CACNA1G: variants seen among roughly 807,000 people sequenced by gnomAD.
The protein encoded by CACNA1G is calcium voltage-gated channel subunit alpha1 G, also known as voltage-dependent T-type calcium channel subunit alpha-1G.
In CACNA1G, 67 loss-of-function variants were observed where a neutral mutation model predicts 219.4. The observed-to-expected ratio is 0.31, with a 90% CI of 0.25 to 0.37. The LOEUF (loss-of-function observed/expected upper bound fraction) is 0.37. Among genes scored for constraint, CACNA1G ranks in the 10% least tolerant of loss-of-function variants. CACNA1G has a pLI of 1.00. For synonymous variants in CACNA1G, 1,296 were observed against 1,345.3 expected (o/e 0.96, Z 0.80); for missense variants, 2,380 against 3,231.4 (o/e 0.74, Z 6.39).
Position 50,626,823 on chromosome 17 carries a change from T to C in CACNA1G, c.*72T>C. 3.7e-6 allele frequency: 6 copies of C among 1,602,060 alleles called. No homozygotes were observed. Among genetic ancestry groups the C allele is most frequent in the Non-Finnish European group, 5.1e-6 (6 of 1,170,440 alleles). ...CCTAGCTCCTCCTCCTGGGCTATAT[T>C]CCTGACAAAAGTTCCATATAGACAC... On this transcript the variant is annotated 3_prime_UTR_variant, in exon 38 of 38. Transcript: ENST00000359106. This position sits in a 1 kb window ranked among gnomAD's most constrained non-coding sequence, Gnocchi z 4.3.
chr17:50,590,731 G>A, intron 10 of CACNA1G, 109 bp downstream of exon 10: 4 of 994,226 alleles, frequency 4.0e-6, no homozygotes, highest in East Asian at 2.7e-5. Flanking sequence ...TCTGGAGTCA[G>A]GCCCCACTGA....
rs145202941 is a variant in CACNA1G at position 50,598,850 on chromosome 17, C to T, written c.3259-578C>T. Reference sequence around the variant, plus strand: ...CAAGTGATTGTCCTGCCTCAGCCTCCTGAGTAGCTGGGATTACAGGCGTGA... The same window carrying T: ...CAAGTGATTGTCCTGCCTCAGCCTCTTGAGTAGCTGGGATTACAGGCGTGA... On this transcript the variant is annotated intron_variant, in intron 16 of 37. Transcript: ENST00000359106. Among the ~76,000 whole-genome samples the T allele has an allele frequency of 1.6e-4, 24 of 152,346 alleles. 1 individual carries two copies. In the East Asian group the frequency reaches 4.6e-3, roughly 29 times the overall value.
Position 50,604,170 on chromosome 17 carries a change from G to A in CACNA1G, c.4185G>A (p.Ala1395=), listed in dbSNP as rs759239505. 5.0e-6 allele frequency: 8 copies of A among 1,613,176 alleles called. No individual in the cohort carries two copies. Among genetic ancestry groups the A allele is most frequent in the South Asian group, 2.2e-5 (2 of 90,990 alleles). Reference sequence around the variant, plus strand: ...CCCTCCCCAGGGTGATCAGCCGGGCGCAGGGGCTGAAGCTGGTGGTGGAGA... The same window carrying A: ...CCCTCCCCAGGGTGATCAGCCGGGCACAGGGGCTGAAGCTGGTGGTGGAGA... The part of the protein sequence containing the change: ...TLRPLRVISR[A]QGLKLVVETL... The change falls in exon 22 of 38, where the codon GCG becomes GCA. Residue 1395 remains alanine, a synonymous_variant. Transcript: ENST00000359106.
intron 9 of CACNA1G, among the ~76,000 whole-genome samples, chr17:50,588,936 T>C (rs929374511): frequency 6.6e-6 from 1 of 152,176 alleles, no homozygotes; most frequent in East Asian, 1.9e-4. Flanking sequence ...TAGGATACAT[T>C]TGGGTGTCCT....
chr17:50,569,301 GA>G lies in CACNA1G; in HGVS notation c.488+4del. 1 of 1,613,472 alleles carries G rather than the reference GA, an allele frequency of 6.2e-7. No individual in the cohort carries two copies. Among genetic ancestry groups the G allele is most frequent in the Non-Finnish European group, 8.5e-7 (1 of 1,179,832 alleles). On this transcript the variant is annotated splice_donor_region_variant and intron_variant, in intron 3 of 37. Coordinates refer to ENST00000359106, the MANE Select transcript of CACNA1G (RefSeq NM_018896.5). ...GACTTTTTCATCGTCATCGCAGGGT[GA>G]GGACCTGGGCTGGGGTGGGAGAGCA...
At chr17:50,612,400 G>A (rs1329445380) in intron 26 of CACNA1G, among the ~76,000 whole-genome samples, 3 of 152,232 alleles carry the variant, frequency 2.0e-5, no homozygotes, top group Non-Finnish European at 4.4e-5. Flanking sequence ...ATGGAGGGAG[G>A]GACCGGGGCT....
At chr17:50,566,313 C>CCT (rs1555633391) in intron 1 of CACNA1G, among the ~76,000 whole-genome samples, 5 of 152,172 alleles carry the variant, frequency 3.3e-5, no homozygotes, top group Middle Eastern at 3.4e-3. Context: ...AAGACCCCCC[C>CCT]CCCATCAATT....
chr17:50,583,082 G>A (rs1359930847), intron 9 of CACNA1G, among the ~76,000 whole-genome samples: 2 of 152,086 alleles, frequency 1.3e-5, no homozygotes, highest in African/African-American at 4.8e-5. Context: ...TGAAGGCTGG[G>A]GACCCTCTCC....
At chr17:50,594,971 C>G (rs754563137) in intron 13 of CACNA1G, 22 bp from the exon 14 acceptor site, 12 of 1,549,742 alleles carry the variant, frequency 7.7e-6, no homozygotes, top group Admixed American at 2.0e-5. Context: ...CAGCCCTCCC[C>G]TGCCTCCCCC....
intron 13 of CACNA1G, among the ~76,000 whole-genome samples, chr17:50,594,103 T>C (rs1273791880): frequency 6.6e-6 from 1 of 152,192 alleles, no homozygotes; most frequent in Non-Finnish European, 1.5e-5. Flanking sequence ...AGCAGGAGGC[T>C]TCAAGGGTAG....
intron 9 of CACNA1G, among the ~76,000 whole-genome samples, chr17:50,579,394 TG>T: frequency 6.6e-6 from 1 of 152,210 alleles, no homozygotes; most frequent in South Asian, 2.1e-4. Context: ...AAGGGTAGCC[TG>T]GGGGACCCCA....
rs1247651792 is a variant in CACNA1G, at chr17:50,600,786, C to T, written c.3751C>T (p.Arg1251Ter). Reference sequence around the variant, plus strand: ...CCGACTCCCTGCCTGCTGCCTCGAGCGAGACTCCTGGTCAGCCTACATCTT... The same window carrying T: ...CCGACTCCCTGCCTGCTGCCTCGAGTGAGACTCCTGGTCAGCCTACATCTT... ...RARLPACCLE[R>*]DSWSAYIFPP... Residue 1251 changes from arginine (R) to a stop codon, truncating the protein, a stop_gained, in exon 18 of 38, where the codon CGA becomes TGA. Transcript: ENST00000359106. LOFTEE classifies it high-confidence loss of function. The surrounding 1 kb of genome is among the most constrained non-coding windows in gnomAD (Gnocchi z 4.1). 6.2e-7 allele frequency: 1 copy of T among 1,613,838 alleles called. No individual in the cohort carries two copies. The highest frequency in any genetic ancestry group is 8.5e-7 in the Non-Finnish European group (1 of 1,179,832).
intron 9 of CACNA1G, among the ~76,000 whole-genome samples, chr17:50,579,028 G>C (rs1277572156): frequency 6.6e-6 from 1 of 152,084 alleles, no homozygotes; most frequent in Admixed American, 6.5e-5. Context: ...GGGGAGGGTT[G>C]GTGCCTGCGC....
chr17:50,625,779 G>A (rs1161283830), intron 37 of CACNA1G, among the ~76,000 whole-genome samples: 1 of 152,162 alleles, frequency 6.6e-6, no homozygotes, highest in African/African-American at 2.4e-5. Flanking sequence ...GCTTAGGGGA[G>A]ACCAGAGCAT....
At chr17:50,607,260 T>C (rs1002849201) in intron 24 of CACNA1G, 6 of 460,438 alleles carry the variant, frequency 1.3e-5, no homozygotes, top group African/African-American at 1.2e-4. Flanking sequence ...TGCCAGTGCA[T>C]TGGGAGGCCT....
rs1750211965 is a variant in CACNA1G, at chr17:50,578,779, T to C, written c.2301+215T>C. Among the ~76,000 whole-genome samples the C allele has an allele frequency of 6.6e-6, 1 of 152,116 alleles. No homozygotes were observed. Among genetic ancestry groups the C allele is most frequent in the Non-Finnish European group, 1.5e-5 (1 of 68,022 alleles). On this transcript the variant is annotated intron_variant, in intron 9 of 37. Transcript: ENST00000359106. The surrounding 1 kb of genome is among the most constrained non-coding windows in gnomAD (Gnocchi z 4.5). ...CTCTGAGTATGGAGGTCGCCTCAGG[T>C]AGGCCACAGGGTATGTTCTACCCAG...
chr17:50,603,059 G>T lies in CACNA1G; in HGVS notation c.4029G>T (p.Arg1343=). Residue 1343 remains arginine, a synonymous_variant, in exon 21 of 38, where the codon CGG becomes CGT. Coordinates refer to ENST00000359106, the MANE Select transcript of CACNA1G (RefSeq NM_018896.5). This position sits in a 1 kb window ranked among gnomAD's most constrained non-coding sequence, Gnocchi z 6.4. ...GCTTCGGGGAGCAGGCGTACCTGCGGAGCAGTTGGAACGTGCTGGACGGGC... is the reference window on the plus strand; with the variant it reads ...GCTTCGGGGAGCAGGCGTACCTGCGTAGCAGTTGGAACGTGCTGGACGGGC... ...GWCFGEQAYL[R]SSWNVLDGLL... is the part of the protein sequence containing the mutation. 1 of 1,613,596 alleles carries T rather than the reference G, an allele frequency of 6.2e-7. No individual in the cohort carries two copies.
rs760153204 is a variant in CACNA1G, at chr17:50,599,618, G to A, written c.3449G>A (p.Arg1150Gln). ...QDEEESSEEE[R>Q]ASPAGSDHRH... ...GAAGAGGAGAGCTCAGAAGAGGAGC[G>A]GGCCAGCCCTGCGGGCAGTGACCAT... Residue 1150 changes from arginine (R) to glutamine (Q), a missense_variant, in exon 17 of 38, where the codon CGG (arginine) becomes CAG (glutamine). Around this residue, in one of 17 missense-constraint regions of CACNA1G, gnomAD observed 418 missense variants for 434.3 expected, o/e 0.96. Coordinates refer to ENST00000359106, the MANE Select transcript of CACNA1G (RefSeq NM_018896.5). The A allele has an allele frequency of 7.4e-5, 120 of 1,612,950 alleles. No homozygotes were observed. Among genetic ancestry groups the A allele is most frequent in the African/African-American group, 9.3e-5 (7 of 74,940 alleles).
At chr17:50,583,364 C>T (rs934990371) in intron 9 of CACNA1G, among the ~76,000 whole-genome samples, 6 of 152,168 alleles carry the variant, frequency 3.9e-5, no homozygotes, top group Non-Finnish European at 8.8e-5. Flanking sequence ...CATCCCCTGG[C>T]TCCAGGCTCT....
Sources: gnomAD v4.1 joint callset for allele counts (sites outside exome capture counted in the v4.1 genomes callset) on GRCh38, gnomAD v4.1.1 for gene constraint, gnomAD v4.1.1 regional missense constraint, Gnocchi (gnomAD v3.1) non-coding constraint, MANE v1.5 for transcripts, NCBI Gene and HGNC (gene_info 2026-07-23, HGNC 2026-07-21) for gene names.